Variants in TENM3 observed in about 807,000 individuals in gnomAD.
TENM3 encodes teneurin-3.
In TENM3, 63 loss-of-function variants were observed where a neutral mutation model predicts 255.1. That is an observed-to-expected ratio of 0.25 (90% CI 0.20 to 0.30). The LOEUF is 0.30. Among genes scored for constraint, TENM3 ranks in the 10% least tolerant of loss-of-function variants. The pLI is 1.00. For synonymous variants in TENM3, 1,306 were observed against 1,322.3 expected, an observed-to-expected ratio of 0.99 and a Z score of 0.27; for missense variants, 2,929 against 3,461.1, an observed-to-expected ratio of 0.85 and a Z score of 3.86.
chr4:182,396,821 G>T (rs1305171222), intron 3 of TENM3, among the ~76,000 whole-genome samples: 1 of 152,078 alleles, frequency 6.6e-6, no homozygotes, highest in African/African-American at 2.4e-5. Context: ...AATTAGCCAG[G>T]TGTGGTGACA....
At chr4:182,127,848 T>C in the TENM3 span, among the ~76,000 whole-genome samples, 1 of 152,196 alleles carries the variant, frequency 6.6e-6, no homozygotes, top group Non-Finnish European at 1.5e-5. Context: ...AAAAAAGTCA[T>C]AATATTCTTG....
At chr4:182,773,268 T>C (rs1226357067) in intron 22 of TENM3, among the ~76,000 whole-genome samples, 1 of 152,222 alleles carries the variant, frequency 6.6e-6, no homozygotes, top group African/African-American at 2.4e-5. Flanking sequence ...TGTTTACTCG[T>C]GTTCTCACCG....
intron 4 of TENM3, among the ~76,000 whole-genome samples, chr4:182,607,737 C>T (rs75272781): frequency 6.6e-6 from 1 of 152,088 alleles, no homozygotes; most frequent in Non-Finnish European, 1.5e-5. Flanking sequence ...TAATCATTTG[C>T]TATAGTCCTT....
intron 1 of TENM3, chr4:182,169,312 C>T: frequency 2.1e-6 from 1 of 479,998 alleles, no homozygotes; most frequent in Non-Finnish European, 4.4e-6. Flanking sequence ...CTGTTTCTAC[C>T]ATTAGTTTTG....
chr4:182,738,435 C>T lies in TENM3; in HGVS notation c.3270C>T (p.Asp1090=). The change falls in exon 18 of 28, where the codon GAC becomes GAT. Residue 1090 remains aspartate (D), a synonymous_variant. Coordinates refer to ENST00000511685, the MANE Select transcript of TENM3 (RefSeq NM_001080477.4). ...SVGYEYESCL[D]LTLWEKRTAI... ...GATATGAGTATGAGTCGTGTTTGGA[C>T]CTGACTCTGTGGGAAAAGAGGACTG... is the stretch of plus-strand genomic sequence containing the variant. The T allele has an allele frequency of 6.2e-6, 10 of 1,612,890 alleles. No homozygotes were observed. Among genetic ancestry groups the T allele is most frequent in the Non-Finnish European group, 7.6e-6 (9 of 1,179,384 alleles).
chr4:182,727,747 C>T lies in TENM3; in HGVS notation c.2369-1218C>T, dbSNP rs765745652. Among the ~76,000 whole-genome samples the T allele has an allele frequency of 7.0e-4, 106 of 152,108 alleles. 2 individuals are homozygous for T. The highest frequency in any genetic ancestry group is 6.6e-3 in the Admixed American group (101 of 15,274). ...TAATATTATGGCTGATTTACATTTA[C>T]CACATTTTAATTAATACCTCCATTT... On this transcript the variant is annotated intron_variant, in intron 13 of 27. Transcript: ENST00000511685.
chr4:182,448,583 C>T (rs1053938593), intron 3 of TENM3, among the ~76,000 whole-genome samples: 4 of 152,270 alleles, frequency 2.6e-5, no homozygotes, highest in Middle Eastern at 3.4e-3. Context: ...GTAGCGCTGC[C>T]GGAGAACAGC....
At chr4:181,980,956 A>G in the TENM3 span, among the ~76,000 whole-genome samples, 1 of 152,220 alleles carries the variant, frequency 6.6e-6, no homozygotes, top group Non-Finnish European at 1.5e-5. Flanking sequence ...ACACAGAACC[A>G]CAAGGTAAAA....
the TENM3 span, among the ~76,000 whole-genome samples, chr4:181,523,881 A>G: frequency 6.6e-6 from 1 of 152,216 alleles, no homozygotes; most frequent in African/African-American, 2.4e-5. Flanking sequence ...ACAGTAGCAT[A>G]CAAGAGCTCA....
At chr4:181,850,526 A>T in the TENM3 span, among the ~76,000 whole-genome samples, 1 of 152,184 alleles carries the variant, frequency 6.6e-6, no homozygotes, top group Non-Finnish European at 1.5e-5. Flanking sequence ...ATATTTCTAT[A>T]GTACAGTAGT....
chr4:181,466,406 G>A, the TENM3 span, among the ~76,000 whole-genome samples: 39,139 of 151,912 alleles, frequency 0.26, 5,218 homozygotes, highest in Non-Finnish European at 0.29. Flanking sequence ...ATGAGCCACC[G>A]CGCCTGGCCT....
chr4:182,663,303 T>C (rs938201622), intron 6 of TENM3, among the ~76,000 whole-genome samples: 1 of 152,192 alleles, frequency 6.6e-6, no homozygotes, highest in Non-Finnish European at 1.5e-5. Flanking sequence ...TTTAAATTTA[T>C]TTATTTTTTG....
chr4:182,440,679 C>A (rs932621836), intron 3 of TENM3, among the ~76,000 whole-genome samples: 1 of 151,992 alleles, frequency 6.6e-6, no homozygotes, highest in East Asian at 1.9e-4. Context: ...TTTAACATGA[C>A]GATGTGGATT....
At chr4:181,960,973 A>T in the TENM3 span, among the ~76,000 whole-genome samples, 1 of 152,306 alleles carries the variant, frequency 6.6e-6, no homozygotes, top group African/African-American at 2.4e-5. Context: ...GTAACCCTGC[A>T]CTAGGGAATA....
chr4:181,652,264 T>C, the TENM3 span, among the ~76,000 whole-genome samples: 15 of 152,142 alleles, frequency 9.9e-5, no homozygotes, highest in Non-Finnish European at 1.3e-4. Context: ...AAAGTCATCA[T>C]TATTGGACCA....
the TENM3 span, among the ~76,000 whole-genome samples, chr4:181,498,267 T>C: frequency 6.6e-6 from 1 of 152,174 alleles, no homozygotes; most frequent in African/African-American, 2.4e-5. Flanking sequence ...TTTAGTTGAC[T>C]ATAAATTCAA....
chr4:182,792,622 A>C lies in TENM3; in HGVS notation c.5950A>C (p.Ser1984Arg), dbSNP rs904101366. 1.1e-5 allele frequency: 17 copies of C among 1,613,864 alleles called. No individual in the cohort carries two copies. The highest frequency in any genetic ancestry group is 1.4e-5 in the Non-Finnish European group (17 of 1,179,874). ...AGTCCTAAAGACAGTAAACCTCCAGAGTGATGGTTTTATTTGCACCATTAG... is the reference window on the plus strand; with the variant it reads ...AGTCCTAAAGACAGTAAACCTCCAGCGTGATGGTTTTATTTGCACCATTAG... ...AGVLKTVNLQ[S>R]DGFICTIRYR... Residue 1984 changes from serine (S) to arginine (R), a missense_variant, in exon 26 of 28, where the codon AGT becomes CGT. Transcript: ENST00000511685. The surrounding 1 kb of genome is among the most constrained non-coding windows in gnomAD (Gnocchi z 6.3).
the TENM3 span, among the ~76,000 whole-genome samples, chr4:181,482,867 C>T: frequency 5.0e-3 from 760 of 152,204 alleles, 8 homozygotes; most frequent in African/African-American, 0.018. Context: ...GGAAGGAAGA[C>T]ACAGGCCAAT....
chr4:182,074,751 A>C, the TENM3 span, among the ~76,000 whole-genome samples: 1 of 152,336 alleles, frequency 6.6e-6, no homozygotes, highest in African/African-American at 2.4e-5. Context: ...GAATTAAATC[A>C]GAGGTCATGT....
Sources: allele counts gnomAD v4.1 joint callset (sites outside exome capture counted in the v4.1 genomes callset), GRCh38; gene constraint gnomAD v4.1.1; non-coding constraint Gnocchi (gnomAD v3.1); transcripts MANE v1.5; gene names NCBI Gene and HGNC (gene_info 2026-07-23, HGNC 2026-07-21).